Variants in CDON observed in about 807,000 individuals in gnomAD.
CDON encodes the protein cell adhesion molecule-related/down-regulated by oncogenes.
CDON carries 73 observed loss-of-function variants against 120.9 expected under a neutral mutation model. That is an observed-to-expected ratio of 0.60 (90% CI 0.50 to 0.73). The LOEUF (loss-of-function observed/expected upper bound fraction) is 0.73. Among genes scored for constraint, CDON ranks in the 30% least tolerant of loss-of-function variants. CDON has a pLI of 0.00. For missense variants in CDON, 1,470 were observed against 1,587.3 expected (o/e 0.93, Z 1.26); for synonymous variants, 566 against 573.5 (o/e 0.99, Z 0.19).
At chr11:126,022,582 A>T (rs1468569233) in intron 2 of CDON, among the ~76,000 whole-genome samples, 1 of 152,220 alleles carries the variant, frequency 6.6e-6, no homozygotes. Context: ...TAAAATACTT[A>T]AGAGAAAAAA....
intron 18 of CDON, among the ~76,000 whole-genome samples, chr11:125,971,246 G>C (rs758309708): frequency 6.6e-6 from 1 of 151,974 alleles, no homozygotes; most frequent in Non-Finnish European, 1.5e-5. Context: ...AGCTGGGTGT[G>C]GTGGCGGGCA....
intron 12 of CDON, among the ~76,000 whole-genome samples, chr11:125,995,280 T>G (rs1490892681): frequency 6.6e-6 from 1 of 152,156 alleles, no homozygotes; most frequent in Admixed American, 6.5e-5. Flanking sequence ...TCCCAAGACC[T>G]TCTTAGGAGT....
intron 1 of CDON, among the ~76,000 whole-genome samples, chr11:126,041,803 C>G (rs1038210160): frequency 6.6e-6 from 1 of 152,216 alleles, no homozygotes; most frequent in Non-Finnish European, 1.5e-5. Context: ...TGCCACAATG[C>G]TAATTTAACC....
Position 125,960,829 on chromosome 11 carries a change from T to C in CDON, c.*113A>G, listed in dbSNP as rs1945621159. ...ATATGACATTACTACTACAAAAAAA[T>C]AAATAATGATTTTCTCTGATTTGAA... On this transcript the variant is annotated 3_prime_UTR_variant, in exon 20 of 20. Coordinates refer to ENST00000531738, the MANE Select transcript of CDON (RefSeq NM_001378964.1). 4 of 1,009,142 alleles carry C rather than the reference T, an allele frequency of 4.0e-6. No homozygotes were observed. The highest frequency in any genetic ancestry group is 2.6e-5 in the South Asian group (2 of 76,316). 62.5% of individuals were successfully genotyped at this position (1,009,142 alleles called of 1,614,324 possible). A position where few individuals can be genotyped will look rare whatever the true frequency, so the allele number is the denominator to read the frequency against.
intron 17 of CDON, among the ~76,000 whole-genome samples, chr11:125,980,475 A>G (rs1946265046): frequency 6.6e-6 from 1 of 152,214 alleles, no homozygotes; most frequent in Non-Finnish European, 1.5e-5. Context: ...TATGTTTTCA[A>G]AAATTTGAAT....
intron 8 of CDON, among the ~76,000 whole-genome samples, chr11:126,006,676 G>A (rs1947140119): frequency 6.6e-6 from 1 of 151,974 alleles, no homozygotes; most frequent in African/African-American, 2.4e-5. Flanking sequence ...TACCCAAGGG[G>A]ATCCTGCAAC....
At chr11:125,989,955 A>G (rs1946585380) in intron 14 of CDON, among the ~76,000 whole-genome samples, 196 bp from the exon 15 acceptor site, 1 of 152,214 alleles carries the variant, frequency 6.6e-6, no homozygotes, top group Non-Finnish European at 1.5e-5. Context: ...ACGGCATGAA[A>G]AAAAGGTAAA....
rs757784108 is a variant in CDON, at chr11:126,018,374, T to C, written c.596A>G (p.His199Arg). 8.7e-6 allele frequency: 14 copies of C among 1,613,950 alleles called. No individual in the cohort carries two copies. The East Asian group carries it at 3.1e-4, about 36-fold the overall frequency. The change falls in exon 5 of 20, where the codon CAT (histidine) becomes CGT (arginine). Residue 199 changes from histidine (H) to arginine (R), a missense_variant. Physicochemically the swap from His to Arg is conservative, Grantham distance 29 (BLOSUM62 0). Coordinates refer to ENST00000531738, the MANE Select transcript of CDON (RefSeq NM_001378964.1). ...GCCAATAGGTTCAACTTTTAATTGA[T>C]GTGTGACAGGATTATAAGCTGCACA... is the stretch of plus-strand genomic sequence containing the variant. ...YKCAAYNPVT[H>R]QLKVEPIGRK...
At chr11:126,048,269 T>C (rs945168014) in intron 1 of CDON, among the ~76,000 whole-genome samples, 8 of 139,646 alleles carry the variant, frequency 5.7e-5, no homozygotes, top group African/African-American at 2.0e-4. Context: ...TGCAACAGAG[T>C]GAGACTCTGT....
At chr11:126,045,081 A>C (rs1355303190) in intron 1 of CDON, among the ~76,000 whole-genome samples, 9 of 152,210 alleles carry the variant, frequency 5.9e-5, no homozygotes, top group Non-Finnish European at 2.9e-5. Flanking sequence ...GCTGGAGTGC[A>C]GTGGTGCAAT....
intron 1 of CDON, among the ~76,000 whole-genome samples, chr11:126,039,400 A>C (rs1268544592): frequency 6.6e-6 from 1 of 152,262 alleles, no homozygotes; most frequent in East Asian, 1.9e-4. Flanking sequence ...GCCATCTACT[A>C]TTGGTATTTC....
Position 126,023,453 on chromosome 11 carries a change from T to A in CDON, c.24A>T (p.Leu8Phe), listed in dbSNP as rs1947696300. 11 of 1,613,332 alleles carry A rather than the reference T, an allele frequency of 6.8e-6. No homozygotes were observed. The highest frequency in any genetic ancestry group is 9.3e-6 in the Non-Finnish European group (11 of 1,179,304). The change falls in exon 2 of 20, where the codon TTA becomes TTT. Residue 8 changes from leucine (L) to phenylalanine (F), a missense_variant. Coordinates refer to ENST00000531738, the MANE Select transcript of CDON (RefSeq NM_001378964.1). MHPDLGPLCTLLYVTLTI... is the reference protein window; with the variant it reads MHPDLGPFCTLLYVTLTI... ...TAAGAGTAACATACAGCAGTGTACATAAGGGTCCAAGATCCGGATGCATAG... is the reference window on the plus strand; with the variant it reads ...TAAGAGTAACATACAGCAGTGTACAAAAGGGTCCAAGATCCGGATGCATAG...
At chr11:126,023,677 T>C in intron 1 of CDON, 140 bp from the exon 2 acceptor site, 1 of 627,854 alleles carries the variant, frequency 1.6e-6, no homozygotes, top group Non-Finnish European at 2.8e-6. Context: ...ATTATCCAGA[T>C]CTTCCCAATT....
chr11:125,994,367 T>C lies in CDON; in HGVS notation c.2567A>G (p.Asn856Ser), dbSNP rs768131084. ...KWTYIPSSNN[N>S]TPIQGFYIYY... ...GATATAAAATCCTTGAATGGGAGTG[T>C]TATTGTTACTTGATGGAATGTACTA... The change falls in exon 14 of 20, where the codon AAC becomes AGC. Residue 856 changes from asparagine (N) to serine (S), a missense_variant. Asn to Ser is a conservative substitution (Grantham distance 46, BLOSUM62 1). Transcript: ENST00000531738. 5.9e-5 allele frequency: 92 copies of C among 1,571,360 alleles called. No homozygotes were observed. Among genetic ancestry groups the C allele is most frequent in the Non-Finnish European group, 1.3e-5 (15 of 1,141,272 alleles).
intron 3 of CDON, 129 bp from the exon 4 acceptor site, chr11:126,019,894 G>T (rs1947584360): frequency 3.9e-6 from 3 of 776,646 alleles, no homozygotes; most frequent in South Asian, 3.1e-5. Context: ...AGTCCAGAGG[G>T]CTGCATGATC....
intron 11 of CDON, 71 bp downstream of exon 11, chr11:126,001,648 A>G (rs1054853035): frequency 5.6e-5 from 78 of 1,381,042 alleles, no homozygotes; most frequent in Non-Finnish European, 7.7e-5. Flanking sequence ...ACCCTATTCC[A>G]CCCCACCTCC....
In CDON at chr11:126,034,330, A is replaced by G. The variant is rs577781542; in HGVS notation, c.-61-10793T>C. Among the ~76,000 whole-genome samples, 3 of 152,246 alleles carry G rather than the reference A, an allele frequency of 2.0e-5. No individual in the cohort carries two copies. In the South Asian group the frequency reaches 6.2e-4, roughly 32 times the overall value. On this transcript the variant is annotated intron_variant, in intron 1 of 19. Transcript: ENST00000531738. This position sits in a 1 kb window ranked among gnomAD's most constrained non-coding sequence, Gnocchi z 4.5. Reference sequence around the variant, plus strand: ...AAAAGGCCAAATGAGCAAAGAAATAATCAACTCCACATGAGCCTCTTCAGC... The same window carrying G: ...AAAAGGCCAAATGAGCAAAGAAATAGTCAACTCCACATGAGCCTCTTCAGC...
At chr11:126,056,429 G>T (rs1948681786) in intron 1 of CDON, among the ~76,000 whole-genome samples, 1 of 152,200 alleles carries the variant, frequency 6.6e-6, no homozygotes, top group African/African-American at 2.4e-5. Context: ...TGTATGTGAA[G>T]AATGACCTTG....
chr11:125,957,591 C>G lies in CDON; in HGVS notation c.*3351G>C, dbSNP rs1945519802. Reference sequence around the variant, plus strand: ...ATAAAACATACTTTTCAATATGATACAAAGCATGCATCTCAAAGTCATTAC... The same window carrying G: ...ATAAAACATACTTTTCAATATGATAGAAAGCATGCATCTCAAAGTCATTAC... On this transcript the variant is annotated 3_prime_UTR_variant, in exon 20 of 20. Transcript: ENST00000531738. 1 of 152,102 alleles carries G rather than the reference C, an allele frequency of 6.6e-6. No individual in the cohort carries two copies. Among genetic ancestry groups the G allele is most frequent in the East Asian group, 1.9e-4 (1 of 5,194 alleles). 9.4% of individuals were successfully genotyped at this position (152,102 alleles called of 1,614,324 possible).
Sources: gnomAD v4.1 joint callset for allele counts (sites outside exome capture counted in the v4.1 genomes callset) on GRCh38, gnomAD v4.1.1 for gene constraint, Gnocchi (gnomAD v3.1) non-coding constraint, MANE v1.5 for transcripts, NCBI Gene and HGNC (gene_info 2026-07-23, HGNC 2026-07-21) for gene names.